The following FYN variants were observed in gnomAD, a reference collection of about 807,000 sequenced individuals.
The protein encoded by FYN is FYN proto-oncogene, Src family tyrosine kinase, also known as tyrosine-protein kinase Fyn.
FYN carries 10 observed loss-of-function variants against 70.2 expected under a neutral mutation model. That is an observed-to-expected ratio of 0.14 (90% CI 0.09 to 0.24). The LOEUF (loss-of-function observed/expected upper bound fraction) is 0.24, where lower values mean the gene tolerates loss of function less well. Among genes scored for constraint, FYN ranks in the 10% least tolerant of loss-of-function variants. The pLI is 1.00. For missense variants in FYN, 319 were observed against 673.1 expected (o/e 0.47, Z 5.82); for synonymous variants, 236 against 248.6 (o/e 0.95, Z 0.48).
At position 111,781,629 on chromosome 6, in the gene FYN, A is replaced by C. The variant is rs139904921; in HGVS notation, c.-81-994T>G. Reference sequence around the variant, plus strand: ...CGCCCAGAGGCCTGTCCGGCCTCTGAGCCTCTAGGCAGGCCATCCCTCCTC... The same window carrying C: ...CGCCCAGAGGCCTGTCCGGCCTCTGCGCCTCTAGGCAGGCCATCCCTCCTC... On this transcript the variant is annotated intron_variant, in intron 2 of 13. Transcript: ENST00000354650. Among the ~76,000 whole-genome samples, 398 of 152,302 alleles carry C rather than the reference A, an allele frequency of 2.6e-3. 2 individuals carry two copies. The highest frequency in any genetic ancestry group is 3.9e-3 in the Non-Finnish European group (267 of 68,030).
At chr6:111,717,437 C>G (rs706892) in intron 4 of FYN, among the ~76,000 whole-genome samples, 3,605 of 152,064 alleles carry the variant, frequency 0.024, 148 homozygotes, top group African/African-American at 0.077. Context: ...CCTGCTATGA[C>G]CTACAGAAAT....
chr6:111,733,703 A>C (rs144151246), intron 3 of FYN, among the ~76,000 whole-genome samples: 1 of 152,332 alleles, frequency 6.6e-6, no homozygotes, highest in African/African-American at 2.4e-5. Flanking sequence ...TCATCAGTGC[A>C]TTAGCCTGGA....
In FYN at chr6:111,703,913, T is replaced by C. The variant is rs1315400503; in HGVS notation, c.547+86A>G. ...GAGGGTATGTGCCATTTTAAAATCC[T>C]TGTACATTAGAGATAAGCCTTTCAT... On this transcript the variant is annotated intron_variant, in intron 7 of 13. Coordinates refer to ENST00000354650, the MANE Select transcript of FYN (RefSeq NM_002037.5). The C allele has an allele frequency of 7.7e-6, 8 of 1,043,806 alleles. No individual in the cohort carries two copies. In the East Asian group the frequency reaches 1.9e-4, roughly 25 times the overall value. 64.7% of individuals were successfully genotyped at this position (1,043,806 alleles called of 1,614,324 possible).
intron 3 of FYN, among the ~76,000 whole-genome samples, chr6:111,739,479 G>T (rs1465692244): frequency 5.3e-5 from 8 of 152,246 alleles, no homozygotes; most frequent in African/African-American, 1.9e-4. Flanking sequence ...GGTCCCACTG[G>T]AGCTGCCTGC....
chr6:111,683,074 T>C (rs1798843307), intron 12 of FYN, among the ~76,000 whole-genome samples: 1 of 152,180 alleles, frequency 6.6e-6, no homozygotes, highest in Non-Finnish European at 1.5e-5. Context: ...GTCCATGATG[T>C]CCCCAGCACC....
At chr6:111,690,183 T>C (rs1419694319) in intron 12 of FYN, among the ~76,000 whole-genome samples, 1 of 151,692 alleles carries the variant, frequency 6.6e-6, no homozygotes, top group Non-Finnish European at 1.5e-5. Context: ...AGGAGACAGG[T>C]GTGGTATGGA....
At chr6:111,671,928 A>G (rs1360338478) in intron 13 of FYN, among the ~76,000 whole-genome samples, 5 of 152,208 alleles carry the variant, frequency 3.3e-5, no homozygotes, top group Non-Finnish European at 7.4e-5. Context: ...ATTAAATAGG[A>G]TTATAGCTAT....
Position 111,661,203 on chromosome 6 carries a change from A to G in FYN, c.*536T>C, listed in dbSNP as rs1204345908. 3 of 152,268 alleles carry G rather than the reference A, an allele frequency of 2.0e-5. No individual in the cohort carries two copies. Among genetic ancestry groups the G allele is most frequent in the Non-Finnish European group, 4.4e-5 (3 of 68,034 alleles). 9.4% of individuals were successfully genotyped at this position (152,268 alleles called of 1,614,324 possible). ...CCACAGTCTCCACATTAGCACCCAC[A>G]TTGTATATGTACAGGGACATATATA... On this transcript the variant is annotated 3_prime_UTR_variant, in exon 14 of 14. Transcript: ENST00000354650. The surrounding 1 kb of genome is among the most constrained non-coding windows in gnomAD (Gnocchi z 4.0).
At chr6:111,749,904 A>C (rs1240945954) in intron 3 of FYN, among the ~76,000 whole-genome samples, 2 of 152,130 alleles carry the variant, frequency 1.3e-5, no homozygotes, top group Non-Finnish European at 2.9e-5. Flanking sequence ...CTTATGATGG[A>C]GACCTCTAGG....
chr6:111,695,963 C>T (rs192307809), intron 10 of FYN, among the ~76,000 whole-genome samples: 373 of 152,288 alleles, frequency 2.4e-3, no homozygotes, highest in Non-Finnish European at 4.1e-3. Context: ...AAAATAACAG[C>T]AAACTATCAT....
At position 111,819,682 on chromosome 6, in the gene FYN, C is replaced by T. The variant is rs549616241; in HGVS notation, c.-82+26907G>A. ...TTTCTACTTTCCTGTTTCTTTACTACTTACTTTGTGTTTGTTTACATGTTT... is the reference window on the plus strand; with the variant it reads ...TTTCTACTTTCCTGTTTCTTTACTATTTACTTTGTGTTTGTTTACATGTTT... On this transcript the variant is annotated intron_variant, in intron 2 of 13. Coordinates refer to ENST00000354650, the MANE Select transcript of FYN (RefSeq NM_002037.5). Among the ~76,000 whole-genome samples the T allele has an allele frequency of 1.6e-4, 24 of 152,186 alleles. No individual in the cohort carries two copies. In the East Asian group the frequency reaches 4.4e-3, roughly 28 times the overall value.
chr6:111,786,900 G>T (rs957636897), intron 2 of FYN, among the ~76,000 whole-genome samples: 14 of 151,750 alleles, frequency 9.2e-5, no homozygotes, highest in Non-Finnish European at 1.6e-4. Context: ...TTGCCCACTT[G>T]TTGATGGGGT....
intron 2 of FYN, among the ~76,000 whole-genome samples, chr6:111,817,254 T>C (rs889666627): frequency 6.6e-6 from 1 of 152,158 alleles, no homozygotes; most frequent in Non-Finnish European, 1.5e-5. Flanking sequence ...CAACCACATA[T>C]TTTCTATTTG....
At chr6:111,859,490 A>G (rs988559155) in intron 1 of FYN, among the ~76,000 whole-genome samples, 2 of 152,198 alleles carry the variant, frequency 1.3e-5, no homozygotes, top group African/African-American at 4.8e-5. Flanking sequence ...CCCTTCTTCA[A>G]ATCTCTCAAC....
chr6:111,795,275 AGAG>A (rs1771768206), intron 2 of FYN, among the ~76,000 whole-genome samples: 1 of 152,328 alleles, frequency 6.6e-6, no homozygotes, highest in South Asian at 2.1e-4. Flanking sequence ...TATCCCTATA[AGAG>A]GAGGAGATTA....
intron 13 of FYN, 94 bp from the exon 14 acceptor site, chr6:111,662,041 A>G: frequency 9.4e-7 from 1 of 1,060,752 alleles, no homozygotes; most frequent in Non-Finnish European, 1.4e-6. Context: ...TTGCGTCTGC[A>G]TGTGGCTAAA....
At chr6:111,744,826 C>G (rs1365292635) in intron 3 of FYN, among the ~76,000 whole-genome samples, 1 of 152,144 alleles carries the variant, frequency 6.6e-6, no homozygotes, top group South Asian at 2.1e-4. Context: ...TATCACCTAA[C>G]AATAAATATG....
chr6:111,661,706 C>G lies in FYN; in HGVS notation c.*33G>C, dbSNP rs753434435. 1.3e-6 allele frequency: 2 copies of G among 1,593,818 alleles called. No homozygotes were observed. The highest frequency in any genetic ancestry group is 2.2e-5 in the South Asian group (2 of 89,098). On this transcript the variant is annotated 3_prime_UTR_variant, in exon 14 of 14. Coordinates refer to ENST00000354650, the MANE Select transcript of FYN (RefSeq NM_002037.5). The surrounding 1 kb of genome is among the most constrained non-coding windows in gnomAD (Gnocchi z 4.0). ...CTAATGGGGAGGGGTGGGGCAGCCT[C>G]TGGGACAAGGCCTCTCTCCGCAGAC...
At chr6:111,720,535 T>G (rs376798525) in intron 3 of FYN, among the ~76,000 whole-genome samples, 3 of 152,292 alleles carry the variant, frequency 2.0e-5, no homozygotes, top group African/African-American at 7.2e-5. Context: ...GAATACAACC[T>G]TCAATCAAGT....
Sources: gnomAD v4.1 joint callset for allele counts (sites outside exome capture counted in the v4.1 genomes callset) on GRCh38, gnomAD v4.1.1 for gene constraint, Gnocchi (gnomAD v3.1) non-coding constraint, MANE v1.5 for transcripts, NCBI Gene and HGNC (gene_info 2026-07-23, HGNC 2026-07-21) for gene names.